Variants in SHROOM3 observed in about 807,000 individuals in gnomAD.
SHROOM3 encodes the protein shroom family member 3.
A neutral mutation model predicts 138.6 loss-of-function variants in SHROOM3; 47 were observed. That is an observed-to-expected ratio of 0.34 (90% CI 0.27 to 0.43). SHROOM3 has a LOEUF of 0.43. Ranked by LOEUF, SHROOM3 falls within the 20% of genes least tolerant of loss-of-function variation. The pLI is 1.00. For missense variants in SHROOM3, 2,491 were observed against 2,596.5 expected (o/e 0.96, Z 0.88); for synonymous variants, 1,062 against 1,063.3 (o/e 1.00, Z 0.02).
At position 76,697,548 on chromosome 4, in the gene SHROOM3, G is replaced by A. The variant is rs1719777115; in HGVS notation, c.324-12608G>A. Among the ~76,000 whole-genome samples the A allele has an allele frequency of 2.0e-5, 3 of 152,252 alleles. No individual in the cohort carries two copies. The Middle Eastern group carries it at 0.01, about 518-fold the overall frequency. On this transcript the variant is annotated intron_variant, in intron 2 of 10. Coordinates refer to ENST00000296043, the MANE Select transcript of SHROOM3 (RefSeq NM_020859.4). ...CGATTGTGGGAGAAGGCAGTTAAGG[G>A]CACACTCTGGAGCCTTATAATAGGT...
intron 2 of SHROOM3, among the ~76,000 whole-genome samples, chr4:76,642,529 T>G (rs1735700279): frequency 6.6e-6 from 1 of 152,122 alleles, no homozygotes; most frequent in African/African-American, 2.4e-5. Context: ...GGCTCAGGAT[T>G]AGGAATGCTC....
intron 2 of SHROOM3, among the ~76,000 whole-genome samples, chr4:76,580,278 T>G (rs183648983): frequency 6.6e-6 from 1 of 152,322 alleles, no homozygotes; most frequent in East Asian, 1.9e-4. Context: ...TTCTGCTACC[T>G]GGAAAAATAC....
chr4:76,589,353 G>C (rs1473439962), intron 2 of SHROOM3, among the ~76,000 whole-genome samples: 5 of 152,106 alleles, frequency 3.3e-5, no homozygotes, highest in African/African-American at 1.2e-4. Context: ...TGTAATCCCA[G>C]CTAATCGGGA....
At position 76,558,999 on chromosome 4, in the gene SHROOM3, A is replaced by T. The variant is rs1286318808; in HGVS notation, c.323+3236A>T. Among the ~76,000 whole-genome samples, 3 of 152,150 alleles carry T rather than the reference A, an allele frequency of 2.0e-5. No homozygotes were observed. In the East Asian group the frequency reaches 5.8e-4, roughly 29 times the overall value. The stretch of plus-strand genomic sequence containing the variant: ...TGCCAACGTTCTCCTCTCCATTTTC[A>T]TTCTCGTCAACACCAAATCCTCTTC... On this transcript the variant is annotated intron_variant, in intron 2 of 10. Coordinates refer to ENST00000296043, the MANE Select transcript of SHROOM3 (RefSeq NM_020859.4).
In SHROOM3 at chr4:76,740,879, C is replaced by G; in HGVS notation, c.2706C>G (p.Pro902=). The stretch of plus-strand genomic sequence containing the variant: ...TCTCCAGCGAGCCAGAGAGGGAGCC[C>G]GAGTGGCGGGACAGGCCCGGCTCGC... ...FQLSSEPERE[P]EWRDRPGSPE... The change falls in exon 5 of 11, where the codon CCC becomes CCG. Residue 902 remains proline, a synonymous_variant. Transcript: ENST00000296043. This position sits in a 1 kb window ranked among gnomAD's most constrained non-coding sequence, Gnocchi z 4.0. The G allele has an allele frequency of 6.5e-7, 1 of 1,544,386 alleles. No individual in the cohort carries two copies. The highest frequency in any genetic ancestry group is 8.7e-7 in the Non-Finnish European group (1 of 1,149,044).
At chr4:76,582,192 T>TAGAAA (rs33922241) in intron 2 of SHROOM3, among the ~76,000 whole-genome samples, 65,002 of 151,412 alleles carry the variant, frequency 0.43, 15,135 homozygotes, top group Middle Eastern at 0.53. Context: ...TGAGTGCTCT[T>TAGAAA]AGAAAACCAG....
chr4:76,495,230 G>GGTCCCCTTAACTGGATTGGT, intron 1 of SHROOM3, among the ~76,000 whole-genome samples: 2 of 152,310 alleles, frequency 1.3e-5, no homozygotes, highest in Middle Eastern at 6.8e-3. Context: ...GCCATGCCCA[G>GGTCCCCTTAACTGGATTGGT]GTCCCCTTAA....
intron 2 of SHROOM3, among the ~76,000 whole-genome samples, chr4:76,703,805 A>C (rs1048441994): frequency 2.0e-5 from 3 of 152,218 alleles, no homozygotes; most frequent in Non-Finnish European, 4.4e-5. Flanking sequence ...CATAAATCAA[A>C]AGGAATTTCT....
intron 1 of SHROOM3, among the ~76,000 whole-genome samples, chr4:76,548,590 A>T (rs1733277815): frequency 6.6e-6 from 1 of 152,232 alleles, no homozygotes; most frequent in African/African-American, 2.4e-5. Flanking sequence ...CTGTTCTTCA[A>T]AGTCAGTTTC....
chr4:76,470,850 A>G (rs1184683132), intron 1 of SHROOM3, among the ~76,000 whole-genome samples: 9 of 152,164 alleles, frequency 5.9e-5, no homozygotes. Context: ...GCAGAATTTA[A>G]TTCATCTCTG....
rs748018516 is a variant in SHROOM3 at position 76,740,104 on chromosome 4, GAGA to G, written c.1934_1936del (p.Glu645del). ...GCCAACCTCTGGAGGAGGCTGGAGA[GAGA>G]AGGCCTAGGCCAGAGCCTGTCAGGC... On this transcript the variant is annotated inframe_deletion, in exon 5 of 11. Transcript: ENST00000296043. This position sits in a 1 kb window ranked among gnomAD's most constrained non-coding sequence, Gnocchi z 4.0. The G allele has an allele frequency of 5.6e-6, 9 of 1,613,670 alleles. No individual in the cohort carries two copies. In the East Asian group the frequency reaches 2.0e-4, roughly 36 times the overall value.
chr4:76,730,988 C>T, intron 4 of SHROOM3, 53 bp downstream of exon 4: 2 of 1,607,942 alleles, frequency 1.2e-6, no homozygotes, highest in South Asian at 2.2e-5. Flanking sequence ...ATGTCATGTT[C>T]CCAGAAAAGA....
chr4:76,524,263 G>T (rs1489659710), intron 1 of SHROOM3, among the ~76,000 whole-genome samples: 1 of 152,188 alleles, frequency 6.6e-6, no homozygotes, highest in African/African-American at 2.4e-5. Flanking sequence ...CTGGGACATG[G>T]GACCCAGAAC....
chr4:76,541,232 A>G (rs1373233950), intron 1 of SHROOM3, among the ~76,000 whole-genome samples: 2 of 152,238 alleles, frequency 1.3e-5, no homozygotes, highest in Non-Finnish European at 2.9e-5. Context: ...TGAAAAGATT[A>G]TGACTTAAAC....
intron 1 of SHROOM3, among the ~76,000 whole-genome samples, chr4:76,440,496 C>T (rs946239482): frequency 3.3e-5 from 5 of 152,048 alleles, no homozygotes; most frequent in African/African-American, 7.2e-5. Context: ...TAAATCTATT[C>T]GGGGGAATTT....
At chr4:76,672,869 G>A (rs1022145182) in intron 2 of SHROOM3, among the ~76,000 whole-genome samples, 6 of 152,134 alleles carry the variant, frequency 3.9e-5, no homozygotes, top group African/African-American at 9.7e-5. Context: ...CTCATGCCCG[G>A]CCGGATACAT....
intron 1 of SHROOM3, among the ~76,000 whole-genome samples, chr4:76,481,542 C>A (rs749143975): frequency 2.6e-5 from 4 of 151,710 alleles, no homozygotes; most frequent in Non-Finnish European, 5.9e-5. Context: ...ACCAGATTCA[C>A]AGCCGAATTC....
At chr4:76,499,674 G>C (rs1732049415) in intron 1 of SHROOM3, among the ~76,000 whole-genome samples, 1 of 152,172 alleles carries the variant, frequency 6.6e-6, no homozygotes, top group African/African-American at 2.4e-5. Flanking sequence ...GGGCCACTGG[G>C]GAGGAGGGGA....
At chr4:76,456,849 T>TTG (rs1222437431) in intron 1 of SHROOM3, among the ~76,000 whole-genome samples, 1 of 152,122 alleles carries the variant, frequency 6.6e-6, no homozygotes, top group Non-Finnish European at 1.5e-5. Context: ...CTTATAGGTT[T>TTG]TGGGATAGGC....
Sources: allele counts gnomAD v4.1 joint callset (sites outside exome capture counted in the v4.1 genomes callset), GRCh38; gene constraint gnomAD v4.1.1; non-coding constraint Gnocchi (gnomAD v3.1); transcripts MANE v1.5; gene names NCBI Gene and HGNC (gene_info 2026-07-23, HGNC 2026-07-21).